The following SHANK2 variants were observed in gnomAD, a reference collection of about 807,000 sequenced individuals.
SHANK2 encodes SH3 and multiple ankyrin repeat domains 2.
SHANK2 carries 43 observed loss-of-function variants against 133.7 expected under a neutral mutation model. That is an observed-to-expected ratio of 0.32 (90% confidence interval 0.25 to 0.41). SHANK2 has a LOEUF of 0.41. SHANK2 is among the 10% of genes least tolerant of loss of function. The pLI is 1.00. For missense variants in SHANK2, 1,994 were observed against 2,235.8 expected, an observed-to-expected ratio of 0.89 and a Z score of 2.18; for synonymous variants, 1,017 against 952.8, an observed-to-expected ratio of 1.07 and a Z score of -1.24.
intron 10 of SHANK2, among the ~76,000 whole-genome samples, chr11:70,917,556 C>T (rs141427007): frequency 3.0e-3 from 457 of 152,256 alleles, no homozygotes; most frequent in African/African-American, 0.01. Context: ...TACATGCACA[C>T]GTGTTCACTG....
intron 8 of SHANK2, among the ~76,000 whole-genome samples, chr11:71,085,578 T>A (rs1381794932): frequency 2.2e-5 from 1 of 45,994 alleles, no homozygotes; most frequent in Admixed American, 5.0e-4. Context: ...ATATATATTA[T>A]ATAATATATT....
intron 17 of SHANK2, among the ~76,000 whole-genome samples, chr11:70,589,552 C>T (rs1554987522): frequency 6.6e-6 from 1 of 150,582 alleles, no homozygotes; most frequent in Admixed American, 6.7e-5. Context: ...CAGTCACTTA[C>T]AGTCTATGGA....
intron 14 of SHANK2, among the ~76,000 whole-genome samples, chr11:70,745,239 C>T (rs1440319887): frequency 1.3e-5 from 2 of 152,370 alleles, no homozygotes; most frequent in South Asian, 2.1e-4. Context: ...TCCCTCACTG[C>T]CTGCCTTTGA....
intron 13 of SHANK2, among the ~76,000 whole-genome samples, chr11:70,799,313 A>T (rs1947992138): frequency 6.6e-6 from 1 of 152,130 alleles, no homozygotes; most frequent in South Asian, 2.1e-4. Context: ...GAGGCAGGAG[A>T]ATCACTTGAA....
chr11:70,844,042 C>T (rs536302686), intron 11 of SHANK2, among the ~76,000 whole-genome samples: 1 of 152,250 alleles, frequency 6.6e-6, no homozygotes, highest in East Asian at 1.9e-4. Context: ...GCACCATCCC[C>T]TGTCCCATCT....
chr11:71,099,563 T>C (rs1951684346), intron 6 of SHANK2, among the ~76,000 whole-genome samples: 1 of 152,134 alleles, frequency 6.6e-6, no homozygotes, highest in Admixed American at 6.5e-5. Flanking sequence ...AGGCAGAAAA[T>C]GTTTGTGAAA....
chr11:70,676,324 C>A (rs1555017187), intron 15 of SHANK2, among the ~76,000 whole-genome samples: 1 of 152,214 alleles, frequency 6.6e-6, no homozygotes, highest in African/African-American at 2.4e-5. Flanking sequence ...CCAAGGAGAC[C>A]CAAGGCCAAG....
chr11:71,174,302 G>A (rs1257360149), intron 2 of SHANK2, among the ~76,000 whole-genome samples: 1 of 152,184 alleles, frequency 6.6e-6, no homozygotes, highest in Non-Finnish European at 1.5e-5. Flanking sequence ...TACTTCGAGA[G>A]GCTGAGGCGG....
chr11:70,859,766 C>G (rs1044746445), intron 11 of SHANK2, among the ~76,000 whole-genome samples: 4 of 152,170 alleles, frequency 2.6e-5, no homozygotes, highest in South Asian at 2.1e-4. Flanking sequence ...TTGTTACCCA[C>G]AGATTGGTTC....
intron 3 of SHANK2, among the ~76,000 whole-genome samples, chr11:71,138,535 G>A (rs1311888019): frequency 6.6e-6 from 1 of 152,064 alleles, no homozygotes; most frequent in Non-Finnish European, 1.5e-5. Flanking sequence ...AAGCATATCC[G>A]GCCGGGCGCG....
At chr11:70,608,812 C>T (rs1391890394) in intron 17 of SHANK2, among the ~76,000 whole-genome samples, 1 of 152,250 alleles carries the variant, frequency 6.6e-6, no homozygotes, top group Non-Finnish European at 1.5e-5. Flanking sequence ...AACCTCTCAG[C>T]TAAACGCGGT....
At chr11:70,936,847 G>A (rs1160481198) in intron 10 of SHANK2, among the ~76,000 whole-genome samples, 1 of 152,170 alleles carries the variant, frequency 6.6e-6, no homozygotes, top group Non-Finnish European at 1.5e-5. Context: ...CTCCAATGAA[G>A]GGTAACGCAC....
chr11:71,079,946 G>GGGGAAGGAGGGAAAGAA (rs1951275899), intron 8 of SHANK2, among the ~76,000 whole-genome samples: 1 of 146,702 alleles, frequency 6.8e-6, no homozygotes, highest in Non-Finnish European at 1.5e-5. Context: ...AGAGGGAAGT[G>GGGGAAGGAGGGAAAGAA]GGGAAGGAGG....
chr11:70,478,340 C>T (rs2058690461), intron 25 of SHANK2, among the ~76,000 whole-genome samples: 1 of 152,194 alleles, frequency 6.6e-6, no homozygotes, highest in Non-Finnish European at 1.5e-5. Context: ...GCTGATTAGG[C>T]ATGCTGGTTC....
intron 12 of SHANK2, among the ~76,000 whole-genome samples, chr11:70,814,564 C>T (rs1565335510): frequency 6.6e-6 from 1 of 152,226 alleles, no homozygotes; most frequent in South Asian, 2.1e-4. Flanking sequence ...AAACCCTGAA[C>T]GCAGCTGCAC....
rs1490319332 is a variant in SHANK2 at position 70,807,385 on chromosome 11, C to T, written c.1494-214G>A. Among the ~76,000 whole-genome samples, 7 of 152,180 alleles carry T rather than the reference C, an allele frequency of 4.6e-5. No individual in the cohort carries two copies. Among genetic ancestry groups the T allele is most frequent in the East Asian group, 1.9e-4 (1 of 5,188 alleles). The stretch of plus-strand genomic sequence containing the variant: ...AACAATCCCACTCGCAGGTCTGCCC[C>T]GCACAGACAGAAAGCTGCCACTCGG... On this transcript the variant is annotated intron_variant, in intron 12 of 25. Coordinates refer to ENST00000601538, the MANE Select transcript of SHANK2 (RefSeq NM_012309.5). This position sits in a 1 kb window ranked among gnomAD's most constrained non-coding sequence, Gnocchi z 4.8.
chr11:70,914,283 G>A (rs1205287523), intron 10 of SHANK2, among the ~76,000 whole-genome samples: 2 of 151,532 alleles, frequency 1.3e-5, no homozygotes, highest in African/African-American at 4.9e-5. Flanking sequence ...TCCCTCCCCC[G>A]ACCCTCTCGG....
chr11:70,834,224 A>G (rs1948772099), intron 11 of SHANK2, among the ~76,000 whole-genome samples: 1 of 152,096 alleles, frequency 6.6e-6, no homozygotes, highest in South Asian at 2.1e-4. Context: ...AACACAAAAT[A>G]CACAGGAGGT....
At chr11:70,599,901 GAAAGAGAAAGAAAGAAAGAAAGAA>G (rs2060461416) in intron 17 of SHANK2, among the ~76,000 whole-genome samples, 3 of 80,140 alleles carry the variant, frequency 3.7e-5, no homozygotes, top group African/African-American at 1.5e-4. Flanking sequence ...AAGAAAGAAA[GAAAGAGAAAGAAAGAAAGAAAGAA>G]AGAAAGAAAG....
Sources: allele counts gnomAD v4.1 joint callset (sites outside exome capture counted in the v4.1 genomes callset), GRCh38; gene constraint gnomAD v4.1.1; non-coding constraint Gnocchi (gnomAD v3.1); transcripts MANE v1.5; gene names NCBI Gene and HGNC (gene_info 2026-07-23, HGNC 2026-07-21).